The following SORCS3 variants were observed in gnomAD, a reference collection of about 807,000 sequenced individuals.
SORCS3 encodes the protein VPS10 domain-containing receptor SorCS3.
Under a neutral mutation model 146.3 loss-of-function variants are expected in SORCS3, and 57 were observed. The ratio of observed to expected loss-of-function variants is 0.39; its 90% CI spans 0.31 to 0.49. The LOEUF is 0.49. Ranked by LOEUF, SORCS3 falls within the 20% of genes least tolerant of loss-of-function variation. SORCS3 has a pLI of 0.92. For missense variants in SORCS3, 1,341 were observed against 1,575.5 expected, an observed-to-expected ratio of 0.85 and a Z score of 2.52; for synonymous variants, 653 against 618.5, an observed-to-expected ratio of 1.06 and a Z score of -0.83.
chr10:104,828,190 C>T (rs983048974), intron 1 of SORCS3, among the ~76,000 whole-genome samples: 2 of 152,150 alleles, frequency 1.3e-5, no homozygotes, highest in East Asian at 1.9e-4. Context: ...AGCTTTCAGT[C>T]TATTTTGGCT....
chr10:105,241,216 T>G (rs899289009), intron 20 of SORCS3, among the ~76,000 whole-genome samples: 1 of 152,170 alleles, frequency 6.6e-6, no homozygotes, highest in Non-Finnish European at 1.5e-5. Flanking sequence ...GCAGCAGTGG[T>G]GTTCCCTCTA....
intron 11 of SORCS3, among the ~76,000 whole-genome samples, chr10:105,162,809 T>C (rs1348932671): frequency 6.6e-6 from 1 of 152,160 alleles, no homozygotes; most frequent in African/African-American, 2.4e-5. Flanking sequence ...GGATGGAAGA[T>C]ACACAGCTCT....
chr10:105,211,824 T>C (rs7910840), intron 17 of SORCS3, among the ~76,000 whole-genome samples: 51,142 of 151,920 alleles, frequency 0.34, 8,709 homozygotes, highest in South Asian at 0.49. Flanking sequence ...CTTTGCTGCC[T>C]CTATAACCAA....
intron 5 of SORCS3, among the ~76,000 whole-genome samples, chr10:105,064,503 G>A (rs1167911075): frequency 6.6e-6 from 1 of 152,208 alleles, no homozygotes; most frequent in Non-Finnish European, 1.5e-5. Context: ...CAGGGAAGCT[G>A]CTGGCATGGC....
At chr10:105,194,993 A>G (rs1027475589) in intron 14 of SORCS3, among the ~76,000 whole-genome samples, 1 of 152,236 alleles carries the variant, frequency 6.6e-6, no homozygotes, top group African/African-American at 2.4e-5. Context: ...TAACAGGACC[A>G]TTTGAGCTTC....
chr10:105,153,306 G>A (rs149541032), intron 9 of SORCS3, among the ~76,000 whole-genome samples: 33 of 152,212 alleles, frequency 2.2e-4, no homozygotes, highest in African/African-American at 7.7e-4. Context: ...TTCTGTTTCT[G>A]AGCAGCATTC....
chr10:104,966,960 T>G (rs1337809192), intron 3 of SORCS3, among the ~76,000 whole-genome samples: 3 of 152,148 alleles, frequency 2.0e-5, no homozygotes, highest in East Asian at 3.9e-4. Flanking sequence ...TTACAAGTTT[T>G]TTTTTTTTTT....
At chr10:105,052,943 T>C (rs2133712020) in intron 5 of SORCS3, among the ~76,000 whole-genome samples, 1 of 152,210 alleles carries the variant, frequency 6.6e-6, no homozygotes, top group South Asian at 2.1e-4. Context: ...CAAAACAAAA[T>C]ACCACAGACT....
intron 9 of SORCS3, among the ~76,000 whole-genome samples, chr10:105,151,150 G>A (rs2056165109): frequency 6.6e-6 from 1 of 152,112 alleles, no homozygotes; most frequent in Non-Finnish European, 1.5e-5. Flanking sequence ...AGTTACAAAA[G>A]AATAATTCTA....
chr10:105,238,034 C>G (rs2056803177), intron 20 of SORCS3, among the ~76,000 whole-genome samples: 1 of 152,136 alleles, frequency 6.6e-6, no homozygotes, highest in African/African-American at 2.4e-5. Context: ...TCCATACCTT[C>G]AAGGAGATTA....
At chr10:104,795,242 A>G (rs2017541762) in intron 1 of SORCS3, among the ~76,000 whole-genome samples, 1 of 152,204 alleles carries the variant, frequency 6.6e-6, no homozygotes, top group South Asian at 2.1e-4. Flanking sequence ...CCTCCTATAT[A>G]TAGAATCACC....
intron 3 of SORCS3, among the ~76,000 whole-genome samples, chr10:104,959,342 G>T (rs570976819): frequency 7.2e-5 from 11 of 152,174 alleles, no homozygotes; most frequent in East Asian, 1.9e-4. Flanking sequence ...TCAGGAGGTG[G>T]TTATGTCATG....
chr10:105,215,652 C>T (rs1357390148), intron 18 of SORCS3, among the ~76,000 whole-genome samples: 1 of 152,170 alleles, frequency 6.6e-6, no homozygotes, highest in East Asian at 1.9e-4. Flanking sequence ...ACGATCTTAT[C>T]CGTTTGAATT....
intron 3 of SORCS3, among the ~76,000 whole-genome samples, chr10:104,948,338 T>TG (rs2054071640): frequency 6.6e-6 from 1 of 152,156 alleles, no homozygotes; most frequent in African/African-American, 2.4e-5. Context: ...AGTGGGTCAT[T>TG]ACCAGTAAAA....
At chr10:105,021,713 A>C (rs1176194482) in intron 4 of SORCS3, among the ~76,000 whole-genome samples, 1 of 152,218 alleles carries the variant, frequency 6.6e-6, no homozygotes, top group Non-Finnish European at 1.5e-5. Flanking sequence ...TACAAGTACC[A>C]GGAAGCCACC....
chr10:104,734,078 C>G (rs74155022), intron 1 of SORCS3, among the ~76,000 whole-genome samples: 2,801 of 152,166 alleles, frequency 0.018, 85 homozygotes, highest in African/African-American at 0.064. Context: ...TTATTTGTGT[C>G]TCTGTGTGTG....
chr10:105,217,112 G>A lies in SORCS3; in HGVS notation c.2724G>A (p.Leu908=). The change falls in exon 19 of 27, where the codon CTG becomes CTA. Residue 908 remains leucine (L), a synonymous_variant. Coordinates refer to ENST00000369701, the MANE Select transcript of SORCS3 (RefSeq NM_014978.3). ...GCTCAGACACAGCTGTCCTCTTCCTGCATGTGGTTTGTAAGTAGGAGGCAC... is the reference window on the plus strand; with the variant it reads ...GCTCAGACACAGCTGTCCTCTTCCTACATGTGGTTTGTAAGTAGGAGGCAC... ...NLGSDTAVLF[L]HVVCPVEHVH... 1 of 1,613,936 alleles carries A rather than the reference G, an allele frequency of 6.2e-7. No individual in the cohort carries two copies. Among genetic ancestry groups the A allele is most frequent in the Non-Finnish European group, 8.5e-7 (1 of 1,179,906 alleles).
chr10:105,192,859 A>G (rs977226244), intron 14 of SORCS3, among the ~76,000 whole-genome samples: 2 of 152,180 alleles, frequency 1.3e-5, no homozygotes, highest in African/African-American at 2.4e-5. Context: ...GGAGGCTACA[A>G]AAGAATCAAA....
intron 1 of SORCS3, among the ~76,000 whole-genome samples, chr10:104,840,274 G>C (rs1335562772): frequency 6.6e-6 from 1 of 152,192 alleles, no homozygotes; most frequent in Non-Finnish European, 1.5e-5. Context: ...CTGCGTCTTT[G>C]CTCATGATGC....
Sources: allele counts gnomAD v4.1 joint callset (sites outside exome capture counted in the v4.1 genomes callset), GRCh38; gene constraint gnomAD v4.1.1; transcripts MANE v1.5; gene names NCBI Gene and HGNC (gene_info 2026-07-23, HGNC 2026-07-21).